SIPA1L2: variants seen among roughly 807,000 people sequenced by gnomAD.
SIPA1L2 encodes the protein signal-induced proliferation-associated 1-like protein 2.
SIPA1L2 carries 56 observed loss-of-function variants against 163.9 expected under a neutral mutation model. The observed-to-expected ratio is 0.34, with a 90% CI of 0.28 to 0.43. The LOEUF is 0.43. SIPA1L2 is among the 20% of genes least tolerant of loss of function. The pLI is 1.00. For missense variants in SIPA1L2, 1,974 were observed against 2,193.5 expected, an observed-to-expected ratio of 0.90 and a Z score of 2.00; for synonymous variants, 877 against 865.7, an observed-to-expected ratio of 1.01 and a Z score of -0.23.
intron 1 of SIPA1L2, among the ~76,000 whole-genome samples, chr1:232,608,622 G>C (rs1197677138): frequency 3.3e-5 from 5 of 152,100 alleles, no homozygotes; most frequent in East Asian, 1.9e-4. Context: ...TAGCATTTTG[G>C]TGTTGCCAAG....
At chr1:232,402,595 T>C (rs1318780173) in intron 21 of SIPA1L2, 122 bp from the exon 22 acceptor site, 6 of 738,738 alleles carry the variant, frequency 8.1e-6, no homozygotes, top group African/African-American at 3.6e-5. Flanking sequence ...ATATATTATA[T>C]TATGTCAGAA....
chr1:232,608,060 A>AAAAAAAAAC (rs1662048132), intron 1 of SIPA1L2, among the ~76,000 whole-genome samples: 2 of 150,826 alleles, frequency 1.3e-5, no homozygotes, highest in Non-Finnish European at 3.0e-5. Context: ...AAAAAAAAAA[A>AAAAAAAAAC]AAAAAAAAAC....
In SIPA1L2 at chr1:232,460,928, C is replaced by A. The variant is rs190456518; in HGVS notation, c.3054G>T (p.Lys1018Asn). The A allele has an allele frequency of 6.2e-7, 1 of 1,614,234 alleles. No individual in the cohort carries two copies. Among genetic ancestry groups the A allele is most frequent in the Non-Finnish European group, 8.5e-7 (1 of 1,180,046 alleles). ...IDLLRTSVTV[K>N]VVIIQPHDDG... ...CATCATGGGGCTGGATGATGACCAC[C>A]TTCACAGTCACAGAAGTACGGAGCA... is the stretch of plus-strand genomic sequence containing the variant. Residue 1018 changes from lysine (K) to asparagine (N), a missense_variant, in exon 10 of 23, where the codon AAG becomes AAT. By Grantham distance (94) the Lys-to-Asn change is moderately conservative. This residue lies in a region of SIPA1L2 where 1,079 missense variants were observed against 1,150.7 expected (regional missense o/e 0.94). Transcript: ENST00000674635.
intron 13 of SIPA1L2, among the ~76,000 whole-genome samples, 158 bp downstream of exon 13, chr1:232,441,610 C>T (rs1327436530): frequency 6.6e-6 from 1 of 152,128 alleles, no homozygotes; most frequent in Non-Finnish European, 1.5e-5. Flanking sequence ...CCAACCATGA[C>T]CACACCCCCT....
chr1:232,621,634 C>T (rs914377662), intron 1 of SIPA1L2, among the ~76,000 whole-genome samples: 1 of 152,176 alleles, frequency 6.6e-6, no homozygotes, highest in South Asian at 2.1e-4. Context: ...AGTTCAAGCA[C>T]GGTAACATTT....
rs550990302 is a variant in SIPA1L2, at chr1:232,487,765, C to T, written c.1806+3109G>A. Among the ~76,000 whole-genome samples, 6 of 152,166 alleles carry T rather than the reference C, an allele frequency of 3.9e-5. No homozygotes were observed. The East Asian group carries it at 7.7e-4, about 20-fold the overall frequency. ...TTCCTTCTCAAAACATCTAACCAAA[C>T]TGAAGGAACAGAAGGAATGATCTAA... On this transcript the variant is annotated intron_variant, in intron 5 of 22. Coordinates refer to ENST00000674635, the MANE Select transcript of SIPA1L2 (RefSeq NM_020808.5).
intron 1 of SIPA1L2, among the ~76,000 whole-genome samples, chr1:232,623,103 ACAAGAGCAGGGC>A (rs1662903809): frequency 6.6e-6 from 1 of 152,196 alleles, no homozygotes; most frequent in African/African-American, 2.4e-5. Context: ...TACTGGAGAT[ACAAGAGCAGGGC>A]TCCCTGCTGT....
intron 2 of SIPA1L2, among the ~76,000 whole-genome samples, chr1:232,520,103 T>G (rs1667395694): frequency 6.6e-6 from 1 of 152,256 alleles, no homozygotes; most frequent in Non-Finnish European, 1.5e-5. Context: ...TCGAATGATC[T>G]AATTAAAACA....
intron 2 of SIPA1L2, among the ~76,000 whole-genome samples, chr1:232,548,413 C>A (rs1658175428): frequency 6.6e-6 from 1 of 152,176 alleles, no homozygotes; most frequent in Non-Finnish European, 1.5e-5. Context: ...TGTCTCAATT[C>A]ATAATTAGTG....
At chr1:232,566,549 T>G (rs16857685) in intron 2 of SIPA1L2, among the ~76,000 whole-genome samples, 2,701 of 152,336 alleles carry the variant, frequency 0.018, 91 homozygotes, top group African/African-American at 0.06. Context: ...AACATGGTAC[T>G]ATAAATGCTT....
chr1:232,484,017 A>G (rs1665520027), intron 5 of SIPA1L2, 51 bp from the exon 6 acceptor site: 1 of 1,524,594 alleles, frequency 6.6e-7, no homozygotes, highest in Non-Finnish European at 8.9e-7. Context: ...CAGACAAGCT[A>G]ACTTCCAGTA....
chr1:232,477,628 C>A (rs1278772239), intron 7 of SIPA1L2, among the ~76,000 whole-genome samples: 1 of 152,178 alleles, frequency 6.6e-6, no homozygotes, highest in East Asian at 1.9e-4. Flanking sequence ...CCTCCTCTAT[C>A]CCCCAGTTGC....
intron 2 of SIPA1L2, among the ~76,000 whole-genome samples, chr1:232,530,366 G>A (rs147730574): frequency 0.018 from 2,787 of 152,004 alleles, 82 homozygotes; most frequent in African/African-American, 0.062. Flanking sequence ...CACCCGCCTC[G>A]GCCTCCCAAA....
At chr1:232,525,817 T>C (rs1257325292) in intron 2 of SIPA1L2, among the ~76,000 whole-genome samples, 1 of 152,074 alleles carries the variant, frequency 6.6e-6, no homozygotes, top group Non-Finnish European at 1.5e-5. Context: ...CTCCAGAAGA[T>C]TTAACACCAC....
intron 3 of SIPA1L2, among the ~76,000 whole-genome samples, chr1:232,506,265 G>A (rs1165077683): frequency 6.6e-6 from 1 of 152,172 alleles, no homozygotes; most frequent in Non-Finnish European, 1.5e-5. Context: ...AGTAACCCTG[G>A]GAAGCAGGGG....
chr1:232,462,164 C>A, intron 9 of SIPA1L2: 1 of 1,442,914 alleles, frequency 6.9e-7, no homozygotes, highest in Non-Finnish European at 9.5e-7. Context: ...CATTAAAGCA[C>A]CACTAATGCA....
intron 3 of SIPA1L2, among the ~76,000 whole-genome samples, chr1:232,502,304 T>C (rs1277051051): frequency 6.6e-6 from 1 of 152,128 alleles, no homozygotes; most frequent in South Asian, 2.1e-4. Context: ...AGAGCGCACA[T>C]AAAATAAACT....
chr1:232,412,213 G>A (rs1660996902), intron 19 of SIPA1L2, among the ~76,000 whole-genome samples: 1 of 152,182 alleles, frequency 6.6e-6, no homozygotes, highest in African/African-American at 2.4e-5. Flanking sequence ...GCCAAAATGT[G>A]TAGCATAAAC....
At chr1:232,457,808 T>G (rs949246116) in intron 10 of SIPA1L2, among the ~76,000 whole-genome samples, 2 of 152,180 alleles carry the variant, frequency 1.3e-5, no homozygotes, top group Non-Finnish European at 2.9e-5. Flanking sequence ...AAAATGACAC[T>G]TCATACTTAC....
Sources: gnomAD v4.1 joint callset for allele counts (sites outside exome capture counted in the v4.1 genomes callset) on GRCh38, gnomAD v4.1.1 for gene constraint, gnomAD v4.1.1 regional missense constraint, MANE v1.5 for transcripts, NCBI Gene and HGNC (gene_info 2026-07-23, HGNC 2026-07-21) for gene names.